The following DAZL variants were observed in gnomAD, a reference collection of about 807,000 sequenced individuals.
DAZL encodes deleted in azoospermia like, also known as deleted in azoospermia-like.
A neutral mutation model predicts 45.0 loss-of-function variants in DAZL; 4 were observed. The observed-to-expected ratio is 0.09, with a 90% CI of 0.04 to 0.20. The LOEUF is 0.20. DAZL is among the 10% of genes least tolerant of loss of function. DAZL has a pLI of 1.00. For synonymous variants in DAZL, 122 were observed against 112.4 expected (o/e 1.09, Z -0.54); for missense variants, 326 against 351.3 (o/e 0.93, Z 0.58).
rs1460712538 is a variant in DAZL, at chr3:16,604,624, C to A, written c.3+579G>T. Reference sequence around the variant, plus strand: ...CCCCACGCTGAGGCCCCCACGAACCCCGCCCACCCCACCAAGTACAGGGAC... The same window carrying A: ...CCCCACGCTGAGGCCCCCACGAACCACGCCCACCCCACCAAGTACAGGGAC... On this transcript the variant is annotated intron_variant, in intron 1 of 10. Transcript: ENST00000399444. 8 of 1,371,828 alleles carry A rather than the reference C, an allele frequency of 5.8e-6. No individual in the cohort carries two copies. In the Admixed American group the frequency reaches 9.8e-5, roughly 17 times the overall value. 85.0% of individuals were successfully genotyped at this position (1,371,828 alleles called of 1,614,324 possible).
intron 10 of DAZL, 97 bp downstream of exon 10, chr3:16,591,953 C>T (rs1694524564): frequency 5.0e-6 from 7 of 1,396,996 alleles, no homozygotes; most frequent in African/African-American, 1.4e-5. Context: ...TAATTAAATG[C>T]TCTAAGAAAT....
intron 7 of DAZL, 60 bp from the exon 8 acceptor site, chr3:16,594,643 C>T: frequency 8.4e-7 from 1 of 1,196,144 alleles, no homozygotes; most frequent in South Asian, 1.5e-5. Context: ...TTTTCAAAAA[C>T]ACACGAGATA....
rs1183979507 is a variant in DAZL at position 16,598,565 on chromosome 3, T to C, written c.37A>G (p.Ile13Val). ...GACTGGGTGCTGGCCTCTCTGGAGA[T>C]GGTTGAGTTTGGAGTTTCAGGATTT... ...TANPETPNST[I>V]SREASTQSSS... is the part of the protein sequence containing the mutation. The change falls in exon 2 of 11, where the codon ATC becomes GTC. Residue 13 changes from isoleucine to valine, a missense_variant. By Grantham distance (29) the Ile-to-Val change is conservative. Around this residue, in one of 3 missense-constraint regions of DAZL, gnomAD observed 81 missense variants for 89.6 expected, o/e 0.90. Transcript: ENST00000399444. 2 of 1,600,750 alleles carry C rather than the reference T, an allele frequency of 1.2e-6. No homozygotes were observed. Among genetic ancestry groups the C allele is most frequent in the South Asian group, 1.1e-5 (1 of 91,070 alleles).
rs530733930 is a variant in DAZL, at chr3:16,599,029, C to T, written c.4-431G>A. ...AACTCCCGACCTCAGGTGATCCACC[C>T]GCCTTGGCCTCCCAAAGTGCTGGGA... is the stretch of plus-strand genomic sequence containing the variant. On this transcript the variant is annotated intron_variant, in intron 1 of 10. Transcript: ENST00000399444. Among the ~76,000 whole-genome samples the T allele has an allele frequency of 7.9e-5, 12 of 152,194 alleles. No individual in the cohort carries two copies. The South Asian group carries it at 1.0e-3, about 13-fold the overall frequency.
At chr3:16,595,949 C>T (rs935483446) in intron 6 of DAZL, among the ~76,000 whole-genome samples, 6 of 151,188 alleles carry the variant, frequency 4.0e-5, no homozygotes, top group Non-Finnish European at 5.9e-5. Flanking sequence ...GCAGCATACA[C>T]GAATACACCC....
rs1202399195 is a variant in DAZL at position 16,605,397 on chromosome 3, C to A, written c.-192G>T. ...GGCTGAGGAGCCCCGAAAGGCGGAC[C>A]GTCAGGCTGAGGAGCGCAGGCGGAC... On this transcript the variant is annotated 5_prime_UTR_variant, in exon 1 of 11. Transcript: ENST00000399444. 2.8e-6 allele frequency: 2 copies of A among 704,872 alleles called. No homozygotes were observed. The highest frequency in any genetic ancestry group is 1.7e-5 in the South Asian group (1 of 60,212). 43.7% of individuals were successfully genotyped at this position (704,872 alleles called of 1,614,324 possible). A position where few individuals can be genotyped will look rare whatever the true frequency, so the allele number is the denominator to read the frequency against.
intron 9 of DAZL, among the ~76,000 whole-genome samples, chr3:16,592,793 G>C (rs1283390596): frequency 4.6e-5 from 7 of 151,996 alleles, no homozygotes; most frequent in Admixed American, 4.6e-4. Context: ...ATATTTATTC[G>C]CATTTTAAAA....
chr3:16,595,962 A>T (rs1171329684), intron 6 of DAZL, among the ~76,000 whole-genome samples: 1 of 151,984 alleles, frequency 6.6e-6, no homozygotes, highest in African/African-American at 2.4e-5. Context: ...ATACACCCAG[A>T]TGCAGTAATG....
intron 1 of DAZL, among the ~76,000 whole-genome samples, chr3:16,598,932 C>T (rs578155420): frequency 5.3e-5 from 8 of 151,858 alleles, no homozygotes; most frequent in South Asian, 4.2e-4. Flanking sequence ...TACATGCGCC[C>T]GACACCACGC....
chr3:16,596,365 T>A (rs1340954271), intron 6 of DAZL, among the ~76,000 whole-genome samples: 1 of 152,056 alleles, frequency 6.6e-6, no homozygotes, highest in African/African-American at 2.4e-5. Context: ...GCAATTTATA[T>A]GAGGAGGCAT....
At chr3:16,604,613 C>G (rs1055761476) in intron 1 of DAZL, 1 of 1,376,730 alleles carries the variant, frequency 7.3e-7, no homozygotes, top group African/African-American at 1.5e-5. Flanking sequence ...ACGCTGAGGC[C>G]CCCACGAACC....
Position 16,596,889 on chromosome 3 carries a change from C to T in DAZL, c.359G>A (p.Cys120Tyr), listed in dbSNP as rs773266331. 1 of 1,613,740 alleles carries T rather than the reference C, an allele frequency of 6.2e-7. No homozygotes were observed. Among genetic ancestry groups the T allele is most frequent in the African/African-American group, 1.3e-5 (1 of 75,020 alleles). ...LGPAIRKQNL[C>Y]AYHVQPRPLV... ...AGGACGTGGCTGCACATGATAAGCA[C>T]CTTTTTGAAAAGCAAAAAGAAAAGG... Residue 120 changes from cysteine (C) to tyrosine (Y), a missense_variant and splice_region_variant, in exon 6 of 11, where the codon TGT (cysteine) becomes TAT (tyrosine). Physicochemically the swap from Cys to Tyr is radical, Grantham distance 194 (BLOSUM62 -2). Around this residue, in one of 3 missense-constraint regions of DAZL, gnomAD observed 227 missense variants for 216.6 expected, o/e 1.05. Transcript: ENST00000399444.
At chr3:16,594,426 T>C (rs1219286399) in intron 8 of DAZL, 107 bp downstream of exon 8, 3 of 841,404 alleles carry the variant, frequency 3.6e-6, no homozygotes, top group Non-Finnish European at 5.5e-6. Flanking sequence ...AAAAAACTAT[T>C]TAAAAATATA....
chr3:16,605,162 A>AGG (rs1254807929), intron 1 of DAZL, 41 bp downstream of exon 1: 1 of 1,613,652 alleles, frequency 6.2e-7, no homozygotes, highest in Non-Finnish European at 8.5e-7. Context: ...ACGAGTGAAG[A>AGG]CTCCGCCAGC....
In DAZL at chr3:16,587,320, G is replaced by T. The variant is rs955784275; in HGVS notation, c.*1340C>A. The T allele has an allele frequency of 6.6e-6, 1 of 152,188 alleles. No homozygotes were observed. The highest frequency in any genetic ancestry group is 2.4e-5 in the African/African-American group (1 of 41,440). 9.4% of individuals were successfully genotyped at this position (152,188 alleles called of 1,614,324 possible). A position where few individuals can be genotyped will look rare whatever the true frequency, so the allele number is the denominator to read the frequency against. ...AAGTCACTGAAAGAAGGGCCAGAAA[G>T]CCGCTTTAAACTCATGTCCATGGCA... On this transcript the variant is annotated 3_prime_UTR_variant, in exon 11 of 11. Transcript: ENST00000399444.
At chr3:16,605,120 A>G in intron 1 of DAZL, 83 bp downstream of exon 1, 2 of 1,558,958 alleles carry the variant, frequency 1.3e-6, no homozygotes, top group Admixed American at 1.7e-5. Flanking sequence ...GGATGACTTC[A>G]CTTTCCGACC....
At chr3:16,603,415 C>G (rs2125049448) in intron 1 of DAZL, among the ~76,000 whole-genome samples, 1 of 151,770 alleles carries the variant, frequency 6.6e-6, no homozygotes, top group East Asian at 1.9e-4. Context: ...GTGGCATGAT[C>G]TCAGCTCACT....
In DAZL at chr3:16,604,841, G is replaced by A. The variant is rs899374445; in HGVS notation, c.3+362C>T. ...GGGGGAGCGCGTGGGAGTGGGGGCGGGGTGGGGCAGTCGGGGGTGGGGAAC... is the reference window on the plus strand; with the variant it reads ...GGGGGAGCGCGTGGGAGTGGGGGCGAGGTGGGGCAGTCGGGGGTGGGGAAC... On this transcript the variant is annotated intron_variant, in intron 1 of 10. Transcript: ENST00000399444. 1.2e-5 allele frequency: 10 copies of A among 838,154 alleles called. No homozygotes were observed. The East Asian group carries it at 1.5e-4, about 12-fold the overall frequency. 51.9% of individuals were successfully genotyped at this position (838,154 alleles called of 1,614,324 possible). A position where few individuals can be genotyped will look rare whatever the true frequency, so the allele number is the denominator to read the frequency against.
At position 16,587,263 on chromosome 3, in the gene DAZL, C is replaced by T. The variant is rs1350644655; in HGVS notation, c.*1397G>A. On this transcript the variant is annotated 3_prime_UTR_variant, in exon 11 of 11. Transcript: ENST00000399444. ...CTAGTAATATGGCTCACAGTAACTA[C>T]ATTAAGTTAGAATTTCTACATTTTA... The T allele has an allele frequency of 1.3e-5, 2 of 152,084 alleles. No homozygotes were observed. The highest frequency in any genetic ancestry group is 4.8e-5 in the African/African-American group (2 of 41,406). 9.4% of individuals were successfully genotyped at this position (152,084 alleles called of 1,614,324 possible).
Sources: gnomAD v4.1 joint callset for allele counts (sites outside exome capture counted in the v4.1 genomes callset) on GRCh38, gnomAD v4.1.1 for gene constraint, gnomAD v4.1.1 regional missense constraint, MANE v1.5 for transcripts, NCBI Gene and HGNC (gene_info 2026-07-23, HGNC 2026-07-21) for gene names.